Variants in NBN observed in about 807,000 individuals in gnomAD.
NBN encodes the protein Nijmegen breakage syndrome 1 (nibrin).
NBN carries 88 observed loss-of-function variants against 90.8 expected under a neutral mutation model. The ratio of observed to expected loss-of-function variants is 0.97; its 90% CI spans 0.82 to 1.16. The LOEUF (loss-of-function observed/expected upper bound fraction) is 1.16, where lower values mean the gene tolerates loss of function less well. Among genes scored for constraint, NBN ranks in the 50% most tolerant of loss-of-function variants. The pLI is 0.00. For missense variants in NBN, 894 were observed against 869.6 expected (o/e 1.03, Z -0.35); for synonymous variants, 328 against 295.1 (o/e 1.11, Z -1.14).
chr8:89,963,488 G>A (rs1192918118), intron 8 of NBN, among the ~76,000 whole-genome samples: 2 of 152,136 alleles, frequency 1.3e-5, no homozygotes, highest in African/African-American at 4.8e-5. Flanking sequence ...AGTTAGTAGA[G>A]AGAATAAATG....
intron 5 of NBN, among the ~76,000 whole-genome samples, chr8:89,974,251 C>CTTTTT (rs905605538): frequency 2.8e-5 from 3 of 106,500 alleles, no homozygotes; most frequent in Admixed American, 1.0e-4. Flanking sequence ...TACTATATGG[C>CTTTTT]TTTTTTTTTT....
At chr8:89,976,792 C>G (rs1271406873) in intron 5 of NBN, among the ~76,000 whole-genome samples, 1 of 152,140 alleles carries the variant, frequency 6.6e-6, no homozygotes, top group Non-Finnish European at 1.5e-5. Flanking sequence ...TTTTAAGAAT[C>G]TTCTATTTTA....
intron 10 of NBN, among the ~76,000 whole-genome samples, chr8:89,954,437 T>C (rs997688139): frequency 6.6e-6 from 1 of 151,732 alleles, no homozygotes; most frequent in East Asian, 1.9e-4. Context: ...TAGATGGAAA[T>C]GGAGGGATTG....
Position 89,961,172 on chromosome 8 carries a change from G to T in NBN, c.995-2318C>A, listed in dbSNP as rs572568547. Reference sequence around the variant, plus strand: ...CCTTGGTATACCTTATCTTTTAATAGAACGATTAGATGATCTCTAAGGCCC... The same window carrying T: ...CCTTGGTATACCTTATCTTTTAATATAACGATTAGATGATCTCTAAGGCCC... On this transcript the variant is annotated intron_variant, in intron 8 of 15. Transcript: ENST00000265433. 1.9e-4 allele frequency among the ~76,000 whole-genome samples: 29 copies of T among 152,298 alleles called. No homozygotes were observed. The East Asian group carries it at 4.6e-3, about 24-fold the overall frequency.
intron 4 of NBN, 46 bp from the exon 5 acceptor site, chr8:89,978,369 T>C (rs762038767): frequency 7.3e-6 from 11 of 1,511,922 alleles, no homozygotes; most frequent in South Asian, 1.2e-5. Flanking sequence ...CATGCTAGCA[T>C]TTTTTAAAGA....
At chr8:89,942,701 A>C (rs1360508536) in intron 14 of NBN, among the ~76,000 whole-genome samples, 1 of 152,192 alleles carries the variant, frequency 6.6e-6, no homozygotes, top group Non-Finnish European at 1.5e-5. Context: ...TCGGAAGATG[A>C]TCTGCAGCAG....
At chr8:89,982,656 C>T (rs1300151807) in intron 2 of NBN, 66 bp downstream of exon 2, 2 of 1,388,784 alleles carry the variant, frequency 1.4e-6, no homozygotes, top group Non-Finnish European at 2.1e-6. Flanking sequence ...CACATACAAA[C>T]CAAGAGAATA....
intron 7 of NBN, among the ~76,000 whole-genome samples, chr8:89,969,597 A>G (rs1317694347): frequency 6.6e-6 from 1 of 152,252 alleles, no homozygotes; most frequent in Non-Finnish European, 1.5e-5. Flanking sequence ...AAGATATTCT[A>G]TATCTAATAT....
At chr8:89,957,819 T>G (rs9649958) in intron 9 of NBN, among the ~76,000 whole-genome samples, 37,571 of 152,064 alleles carry the variant, frequency 0.25, 5,277 homozygotes, top group East Asian at 0.39. Flanking sequence ...CCATCCTTTT[T>G]GGCAACCAGG....
chr8:89,973,298 T>C (rs914395380), intron 5 of NBN, among the ~76,000 whole-genome samples: 3 of 152,222 alleles, frequency 2.0e-5, no homozygotes, highest in Non-Finnish European at 2.9e-5. Flanking sequence ...ATAAAAAGTA[T>C]AAACATCCTT....
intron 13 of NBN, 136 bp from the exon 14 acceptor site, chr8:89,943,502 G>T: frequency 1.1e-6 from 1 of 898,418 alleles, no homozygotes; most frequent in Non-Finnish European, 1.7e-6. Context: ...ATAAAAGTGA[G>T]AGCAGTAACT....
intron 14 of NBN, among the ~76,000 whole-genome samples, chr8:89,939,951 C>G (rs148872777): frequency 2.0e-5 from 3 of 152,176 alleles, no homozygotes; most frequent in Non-Finnish European, 2.9e-5. Flanking sequence ...TCCAGCTGAG[C>G]CTTTCCTCTC....
chr8:89,969,051 CAGA>C (rs1404451665), intron 7 of NBN, among the ~76,000 whole-genome samples: 1 of 152,188 alleles, frequency 6.6e-6, no homozygotes, highest in African/African-American at 2.4e-5. Flanking sequence ...CCCCCATGGT[CAGA>C]AGGACTCCTG....
Position 89,957,609 on chromosome 8 carries a change from C to G in NBN, c.1124+1116G>C, listed in dbSNP as rs13312913. 9.3e-3 allele frequency among the ~76,000 whole-genome samples: 1,418 copies of G among 152,306 alleles called. 22 individuals are homozygous for G. Among genetic ancestry groups the G allele is most frequent in the African/African-American group, 0.033 (1,370 of 41,560 alleles). ...CTCATTGACTTACCCAGAACAGCTTCCAGTCCTACAAGCTCCATTCACGGT... is the reference window on the plus strand; with the variant it reads ...CTCATTGACTTACCCAGAACAGCTTGCAGTCCTACAAGCTCCATTCACGGT... On this transcript the variant is annotated intron_variant, in intron 9 of 15. Coordinates refer to ENST00000265433, the MANE Select transcript of NBN (RefSeq NM_002485.5).
intron 7 of NBN, among the ~76,000 whole-genome samples, chr8:89,967,094 G>A (rs750637418): frequency 6.6e-6 from 1 of 152,136 alleles, no homozygotes; most frequent in East Asian, 1.9e-4. Context: ...AACCAGGGCC[G>A]CTGTCTGTGT....
intron 5 of NBN, among the ~76,000 whole-genome samples, chr8:89,974,462 C>T (rs3358): frequency 0.042 from 6,326 of 152,106 alleles, 270 homozygotes; most frequent in East Asian, 0.19. Flanking sequence ...GCCAATGTGT[C>T]TGTTGGGTCT....
chr8:89,982,476 T>A, intron 2 of NBN: 1 of 542,704 alleles, frequency 1.8e-6, no homozygotes, highest in South Asian at 2.2e-5. Flanking sequence ...ATGTCCTACT[T>A]CCTCTGAGTT....
intron 4 of NBN, 43 bp from the exon 5 acceptor site, chr8:89,978,366 G>A (rs1251642754): frequency 1.3e-6 from 2 of 1,522,994 alleles, no homozygotes; most frequent in African/African-American, 1.4e-5. Flanking sequence ...TCACATGCTA[G>A]CATTTTTTAA....
rs1057523508 is a variant in NBN at position 89,946,212 on chromosome 8, G to A, written c.1998C>T (p.Asn666=). 6.3e-7 allele frequency: 1 copy of A among 1,598,764 alleles called. No homozygotes were observed. The highest frequency in any genetic ancestry group is 1.1e-5 in the South Asian group (1 of 90,682). The change falls in exon 13 of 16, where the codon AAC becomes AAT. Residue 666 remains asparagine (N), a synonymous_variant. Transcript: ENST00000265433. ...LTEFRSLVIK[N]STSRNPSGIN... Reference sequence around the variant, plus strand: ...TGCCAGATGGATTTCTGGAAGTAGAGTTTTTAATCACCAGTGATCTAAATT... The same window carrying A: ...TGCCAGATGGATTTCTGGAAGTAGAATTTTTAATCACCAGTGATCTAAATT...
Sources: gnomAD v4.1 joint callset for allele counts (sites outside exome capture counted in the v4.1 genomes callset) on GRCh38, gnomAD v4.1.1 for gene constraint, MANE v1.5 for transcripts, NCBI Gene and HGNC (gene_info 2026-07-23, HGNC 2026-07-21) for gene names.